The following SPOCK1 variants were observed in gnomAD, a reference collection of about 807,000 sequenced individuals.
SPOCK1 encodes the protein testican-1.
A neutral mutation model predicts 55.3 loss-of-function variants in SPOCK1; 23 were observed. The ratio of observed to expected loss-of-function variants is 0.42; its 90% CI spans 0.30 to 0.59. The LOEUF is 0.59. SPOCK1 is among the 20% of genes least tolerant of loss of function. SPOCK1 has a pLI of 0.22. For missense variants in SPOCK1, 499 were observed against 552.5 expected, an observed-to-expected ratio of 0.90 and a Z score of 0.97; for synonymous variants, 226 against 221.0, an observed-to-expected ratio of 1.02 and a Z score of -0.20.
At position 137,450,729 on chromosome 5, in the gene SPOCK1, C is replaced by A. The variant is rs1753238026; in HGVS notation, c.186+47644G>T. 5.3e-5 allele frequency among the ~76,000 whole-genome samples: 8 copies of A among 152,176 alleles called. No homozygotes were observed. The South Asian group carries it at 1.7e-3, about 32-fold the overall frequency. ...TCCCTCTTTTTTCCTGATAATGGCA[C>A]CATTATCTCTCCTATTACCTGGGCT... On this transcript the variant is annotated intron_variant, in intron 2 of 10. Transcript: ENST00000394945.
chr5:137,416,906 G>A (rs569036537), intron 2 of SPOCK1, among the ~76,000 whole-genome samples: 1 of 152,144 alleles, frequency 6.6e-6, no homozygotes, highest in East Asian at 1.9e-4. Flanking sequence ...GTCTTTTTGT[G>A]AAGTTTTTGT....
At chr5:137,112,391 G>A (rs200409931) in intron 5 of SPOCK1, 44 bp downstream of exon 5, 86 of 1,603,468 alleles carry the variant, frequency 5.4e-5, no homozygotes, top group Non-Finnish European at 5.6e-5. Context: ...AGAACAAGCC[G>A]ACATGAAGTA....
intron 3 of SPOCK1, among the ~76,000 whole-genome samples, chr5:137,177,466 G>A (rs1754877078): frequency 6.6e-6 from 1 of 152,034 alleles, no homozygotes; most frequent in Admixed American, 6.6e-5. Flanking sequence ...GAGAAAGTGA[G>A]GGCAAGGGAA....
chr5:137,116,443 G>A (rs1225136993), intron 4 of SPOCK1, among the ~76,000 whole-genome samples: 2 of 151,998 alleles, frequency 1.3e-5, no homozygotes, highest in Non-Finnish European at 2.9e-5. Context: ...TCAGGAGTTC[G>A]AGACCAGCCT....
intron 3 of SPOCK1, among the ~76,000 whole-genome samples, chr5:137,212,837 C>A (rs906825961): frequency 6.6e-6 from 1 of 152,184 alleles, no homozygotes; most frequent in East Asian, 1.9e-4. Context: ...CAGCCTCAAG[C>A]GGTTGGCTGG....
At chr5:137,404,911 G>C (rs1000876037) in intron 2 of SPOCK1, among the ~76,000 whole-genome samples, 1 of 152,160 alleles carries the variant, frequency 6.6e-6, no homozygotes, top group Admixed American at 6.5e-5. Context: ...GTGCTTATTA[G>C]TTTTTATGTT....
chr5:137,217,273 T>TGA (rs1298517702), intron 3 of SPOCK1, among the ~76,000 whole-genome samples: 5 of 152,378 alleles, frequency 3.3e-5, no homozygotes, highest in African/African-American at 9.6e-5. Context: ...GTAGGAGCAC[T>TGA]GAGAGAGCAC....
chr5:137,284,321 C>A (rs1757224983), intron 2 of SPOCK1, among the ~76,000 whole-genome samples: 1 of 152,214 alleles, frequency 6.6e-6, no homozygotes, highest in Admixed American at 6.5e-5. Context: ...CCCATACAAC[C>A]AGCAGGGACT....
At chr5:137,476,540 G>T (rs1490559137) in intron 2 of SPOCK1, among the ~76,000 whole-genome samples, 2 of 152,180 alleles carry the variant, frequency 1.3e-5, no homozygotes, top group African/African-American at 4.8e-5. Flanking sequence ...TTTTCTAGGG[G>T]TGTCAGTGAT....
chr5:137,429,681 G>T (rs1016980029), intron 2 of SPOCK1, among the ~76,000 whole-genome samples: 1 of 152,228 alleles, frequency 6.6e-6, no homozygotes, highest in South Asian at 2.1e-4. Context: ...TTCTTTGGCA[G>T]AGCTGTGGTT....
At chr5:137,317,229 G>A (rs1178692007) in intron 2 of SPOCK1, among the ~76,000 whole-genome samples, 1 of 152,208 alleles carries the variant, frequency 6.6e-6, no homozygotes, top group Non-Finnish European at 1.5e-5. Context: ...TAAGCACAGA[G>A]GGCTTTGTAA....
At chr5:137,335,104 T>C (rs1750218708) in intron 2 of SPOCK1, among the ~76,000 whole-genome samples, 1 of 152,208 alleles carries the variant, frequency 6.6e-6, no homozygotes, top group Non-Finnish European at 1.5e-5. Context: ...ATGGAAATGT[T>C]CCCAAACTGG....
chr5:137,440,143 G>A (rs887692948), intron 2 of SPOCK1, among the ~76,000 whole-genome samples: 10 of 152,154 alleles, frequency 6.6e-5, no homozygotes, highest in Admixed American at 2.6e-4. Flanking sequence ...AGAAATGATA[G>A]TAACCATGAA....
At chr5:137,081,756 G>A (rs1752880949) in intron 5 of SPOCK1, among the ~76,000 whole-genome samples, 2 of 152,188 alleles carry the variant, frequency 1.3e-5, no homozygotes, top group Admixed American at 1.3e-4. Context: ...TGATTTTACT[G>A]CTTAGAGATG....
intron 5 of SPOCK1, among the ~76,000 whole-genome samples, chr5:137,103,206 A>C (rs1753304848): frequency 6.6e-6 from 1 of 152,124 alleles, no homozygotes; most frequent in Admixed American, 6.5e-5. Context: ...GAGCAGACTC[A>C]AATTCCTGAC....
chr5:137,486,658 ACCTGGATGGCC>A (rs1348986595), intron 2 of SPOCK1, among the ~76,000 whole-genome samples: 1 of 152,226 alleles, frequency 6.6e-6, no homozygotes, highest in Non-Finnish European at 1.5e-5. Context: ...AAGATCTAGG[ACCTGGATGGCC>A]ATGCAAAGAA....
At chr5:137,413,704 TA>T (rs1215643535) in intron 2 of SPOCK1, among the ~76,000 whole-genome samples, 2 of 152,188 alleles carry the variant, frequency 1.3e-5, no homozygotes, top group Admixed American at 1.3e-4. Flanking sequence ...CATCAGGGTA[TA>T]ATGTGATGTC....
At position 137,251,626 on chromosome 5, in the gene SPOCK1, T is replaced by C. The variant is rs541118992; in HGVS notation, c.232+15384A>G. On this transcript the variant is annotated intron_variant, in intron 3 of 10. Transcript: ENST00000394945. ...AAACTCATAGATGGGTTCCCCTCAG[T>C]AATGAATGAACTAAAGAAAACTACT... Among the ~76,000 whole-genome samples the C allele has an allele frequency of 2.0e-5, 3 of 152,282 alleles. No individual in the cohort carries two copies. The East Asian group carries it at 5.8e-4, about 29-fold the overall frequency.
intron 4 of SPOCK1, among the ~76,000 whole-genome samples, chr5:137,121,220 T>C (rs1315065543): frequency 6.6e-6 from 1 of 152,222 alleles, no homozygotes; most frequent in Non-Finnish European, 1.5e-5. Flanking sequence ...TTAAACATAA[T>C]GATCATATTT....
Sources: allele counts gnomAD v4.1 joint callset (sites outside exome capture counted in the v4.1 genomes callset), GRCh38; gene constraint gnomAD v4.1.1; transcripts MANE v1.5; gene names NCBI Gene and HGNC (gene_info 2026-07-23, HGNC 2026-07-21).